Variants in PRR16 observed in about 807,000 individuals in gnomAD.
PRR16 encodes the protein protein Largen.
PRR16 carries 6 observed loss-of-function variants against 18.2 expected under a neutral mutation model. The ratio of observed to expected loss-of-function variants is 0.33; its 90% CI spans 0.18 to 0.65. The LOEUF is 0.65. Ranked by LOEUF, PRR16 falls within the 30% of genes least tolerant of loss-of-function variation. The pLI is 0.74. For synonymous variants in PRR16, 151 were observed against 147.8 expected, an observed-to-expected ratio of 1.02 and a Z score of -0.16; for missense variants, 412 against 376.6, an observed-to-expected ratio of 1.09 and a Z score of -0.78.
chr5:120,516,619 T>A (rs1751004751), intron 1 of PRR16, among the ~76,000 whole-genome samples: 1 of 152,058 alleles, frequency 6.6e-6, no homozygotes, highest in Non-Finnish European at 1.5e-5. Context: ...AAGTATGGCG[T>A]GCATGGACGC....
chr5:120,715,565 C>T, the PRR16 span, among the ~76,000 whole-genome samples: 1 of 152,142 alleles, frequency 6.6e-6, no homozygotes, highest in Non-Finnish European at 1.5e-5. Flanking sequence ...AACTCCTTAT[C>T]AATGCTATCT....
intron 1 of PRR16, among the ~76,000 whole-genome samples, chr5:120,607,997 A>C (rs7713208): frequency 0.02 from 3,110 of 152,270 alleles, 108 homozygotes; most frequent in African/African-American, 0.07. Flanking sequence ...GTAGATATCA[A>C]ATCTAGGAGT....
the PRR16 span, among the ~76,000 whole-genome samples, chr5:120,692,882 G>T: frequency 6.6e-6 from 1 of 152,112 alleles, no homozygotes; most frequent in Non-Finnish European, 1.5e-5. Context: ...AATTCTGTCT[G>T]AGAATAGTCA....
chr5:120,471,146 GA>G (rs745549524), intron 1 of PRR16, among the ~76,000 whole-genome samples: 217 of 152,176 alleles, frequency 1.4e-3, no homozygotes, highest in Non-Finnish European at 2.2e-3. Flanking sequence ...GTAGGTTGCA[GA>G]AAACAGTATT....
the PRR16 span, among the ~76,000 whole-genome samples, chr5:120,763,695 T>C: frequency 6.6e-6 from 1 of 152,154 alleles, no homozygotes; most frequent in South Asian, 2.1e-4. Flanking sequence ...GCATGGGATT[T>C]CTTTCTCTTT....
the PRR16 span, chr5:120,710,736 C>G: frequency 1.3e-5 from 2 of 152,126 alleles, no homozygotes; most frequent in African/African-American, 2.4e-5. Context: ...AGTCGAATAT[C>G]AGACTTCAAG....
chr5:120,527,441 G>A (rs1339897385), intron 1 of PRR16, among the ~76,000 whole-genome samples: 1 of 152,210 alleles, frequency 6.6e-6, no homozygotes, highest in Non-Finnish European at 1.5e-5. Flanking sequence ...GCACACAGCT[G>A]TGGTTTGCTG....
the PRR16 span, among the ~76,000 whole-genome samples, chr5:120,766,217 C>A: frequency 6.6e-6 from 1 of 151,994 alleles, no homozygotes; most frequent in South Asian, 2.1e-4. Context: ...CACCTGACAC[C>A]AGCAGCATTC....
intron 1 of PRR16, among the ~76,000 whole-genome samples, chr5:120,495,763 C>T (rs1374810306): frequency 6.6e-6 from 1 of 151,988 alleles, no homozygotes; most frequent in African/African-American, 2.4e-5. Flanking sequence ...TTTGCAAATA[C>T]AGTTTTACTG....
chr5:120,791,626 TCCATCTATC>T, the PRR16 span, among the ~76,000 whole-genome samples: 1 of 147,350 alleles, frequency 6.8e-6, no homozygotes, highest in Admixed American at 6.8e-5. Flanking sequence ...TATCTATCCA[TCCATCTATC>T]ATCTATCTAT....
At chr5:120,727,860 C>A in the PRR16 span, among the ~76,000 whole-genome samples, 1 of 151,824 alleles carries the variant, frequency 6.6e-6, no homozygotes, top group African/African-American at 2.4e-5. Flanking sequence ...TTTTTTAAAT[C>A]ATTAAGAAAA....
At chr5:120,748,494 G>T in the PRR16 span, among the ~76,000 whole-genome samples, 1 of 151,940 alleles carries the variant, frequency 6.6e-6, no homozygotes. Context: ...ATCTTTCAAT[G>T]TGGAAAATAT....
At position 120,548,272 on chromosome 5, in the gene PRR16, C is replaced by T. The variant is rs143571768; in HGVS notation, c.159+83627C>T. ...TTGATACTCAGCAATGCTTGCTTAC[C>T]TGAGCACATGCAGACATTATTTTTT... On this transcript the variant is annotated intron_variant, in intron 1 of 1. Coordinates refer to ENST00000407149, the MANE Select transcript of PRR16 (RefSeq NM_001300783.2). 5.0e-3 allele frequency among the ~76,000 whole-genome samples: 759 copies of T among 152,152 alleles called. 4 individuals carry two copies. Among genetic ancestry groups the T allele is most frequent in the Middle Eastern group, 0.034 (10 of 294 alleles).
At chr5:120,538,109 A>G (rs1220898339) in intron 1 of PRR16, among the ~76,000 whole-genome samples, 1 of 152,216 alleles carries the variant, frequency 6.6e-6, no homozygotes. Flanking sequence ...ATTAGAAGAT[A>G]CTTTGAAACA....
At chr5:120,578,989 C>T (rs949567158) in intron 1 of PRR16, among the ~76,000 whole-genome samples, 4 of 152,090 alleles carry the variant, frequency 2.6e-5, no homozygotes, top group Non-Finnish European at 4.4e-5. Context: ...ATTTGCAGTT[C>T]TCTGATGATC....
chr5:120,645,405 G>T (rs560078423), intron 1 of PRR16, among the ~76,000 whole-genome samples: 149 of 136,244 alleles, frequency 1.1e-3, no homozygotes, highest in Non-Finnish European at 1.9e-3. Context: ...ACACACACAG[G>T]CAGAAAGAGA....
chr5:120,505,934 A>G (rs28690544), intron 1 of PRR16, among the ~76,000 whole-genome samples: 5,510 of 130,306 alleles, frequency 0.042, 199 homozygotes, highest in African/African-American at 0.13. Flanking sequence ...ATATGTGTGT[A>G]TGTGTGTGTG....
At chr5:120,641,713 A>C (rs1755428162) in intron 1 of PRR16, among the ~76,000 whole-genome samples, 2 of 152,108 alleles carry the variant, frequency 1.3e-5, no homozygotes, top group African/African-American at 4.8e-5. Context: ...AAGAAAATGC[A>C]ACTGTTCTCT....
chr5:120,609,002 T>C lies in PRR16; in HGVS notation c.160-76952T>C, dbSNP rs145667162. On this transcript the variant is annotated intron_variant, in intron 1 of 1. Transcript: ENST00000407149. ...GAAAATTAATCCTTGAAACTCTTCG[T>C]ATTCAAAAGAGAGCTGATTATTCAT... Among the ~76,000 whole-genome samples, 1,226 of 152,280 alleles carry C rather than the reference T, an allele frequency of 8.1e-3. 16 individuals carry two copies. Among genetic ancestry groups the C allele is most frequent in the African/African-American group, 0.027 (1,113 of 41,548 alleles).
Sources: gnomAD v4.1 joint callset for allele counts (sites outside exome capture counted in the v4.1 genomes callset) on GRCh38, gnomAD v4.1.1 for gene constraint, MANE v1.5 for transcripts, NCBI Gene and HGNC (gene_info 2026-07-23, HGNC 2026-07-21) for gene names.